BTBD10: variants seen among roughly 807,000 people sequenced by gnomAD.
BTBD10 encodes the protein BTB/POZ domain-containing protein 10.
Under a neutral mutation model 53.2 loss-of-function variants are expected in BTBD10, and 21 were observed. The observed-to-expected ratio is 0.39, with a 90% CI of 0.28 to 0.57. BTBD10 has a LOEUF of 0.57. BTBD10 is among the 20% of genes least tolerant of loss of function. BTBD10 has a pLI of 0.53. For synonymous variants in BTBD10, 149 were observed against 192.7 expected (o/e 0.77, Z 1.88); for missense variants, 360 against 594.7 (o/e 0.61, Z 4.10).
chr11:13,434,003 A>C (rs955600154), intron 2 of BTBD10, among the ~76,000 whole-genome samples: 1 of 152,220 alleles, frequency 6.6e-6, no homozygotes, highest in African/African-American at 2.4e-5. Context: ...TCTCAACTGA[A>C]GAATTAGTTA....
intron 8 of BTBD10, among the ~76,000 whole-genome samples, chr11:13,398,188 T>C (rs1170430821): frequency 1.3e-5 from 2 of 152,188 alleles, no homozygotes; most frequent in Non-Finnish European, 2.9e-5. Flanking sequence ...AGTCTCTTTG[T>C]AGGTCACTCA....
chr11:13,419,823 T>C (rs572323549), intron 3 of BTBD10, 78 bp from the exon 4 acceptor site: 3 of 1,265,344 alleles, frequency 2.4e-6, no homozygotes, highest in Non-Finnish European at 3.2e-6. Flanking sequence ...TTTTAAATGT[T>C]TGATTTATAA....
chr11:13,419,836 G>A (rs764994793), intron 3 of BTBD10, 91 bp from the exon 4 acceptor site: 1 of 1,208,312 alleles, frequency 8.3e-7, no homozygotes, highest in Non-Finnish European at 1.1e-6. Context: ...ATTTATAAAA[G>A]TTGTTTTAAG....
chr11:13,437,747 C>T (rs1411752536), intron 2 of BTBD10, among the ~76,000 whole-genome samples: 1 of 152,164 alleles, frequency 6.6e-6, no homozygotes, highest in Non-Finnish European at 1.5e-5. Context: ...TGTTTTTCTT[C>T]AAGTCAGTCA....
chr11:13,433,900 T>A (rs528047203), intron 2 of BTBD10, among the ~76,000 whole-genome samples: 1 of 152,212 alleles, frequency 6.6e-6, no homozygotes, highest in East Asian at 1.9e-4. Context: ...TTCCTTTTTT[T>A]GGTCAATTAG....
Position 13,419,655 on chromosome 11 carries a change from C to A in BTBD10, c.389G>T (p.Ser130Ile), listed in dbSNP as rs1565247316. ...PNGSISSAGN[S>I]SRNSSQSSSD... ...ACTTGACTGACTACTGTTTCTGCTG[C>A]TGTTCCCAGCACTGCTAATGGAACC... The change falls in exon 4 of 9, where the codon AGC (serine) becomes ATC (isoleucine). Residue 130 changes from serine to isoleucine, a missense_variant. Transcript: ENST00000278174. 1.9e-6 allele frequency: 3 copies of A among 1,614,146 alleles called. No individual in the cohort carries two copies. Among genetic ancestry groups the A allele is most frequent in the Non-Finnish European group, 2.5e-6 (3 of 1,179,996 alleles).
intron 5 of BTBD10, among the ~76,000 whole-genome samples, chr11:13,414,844 GAAAAAAAAAAAA>G (rs71041526): frequency 4.7e-5 from 4 of 85,134 alleles, no homozygotes; most frequent in Non-Finnish European, 8.5e-5. Context: ...CATCTCAAAC[GAAAAAAAAAAAA>G]AAAAAAAAAG....
At chr11:13,434,118 G>A (rs964536213) in intron 2 of BTBD10, among the ~76,000 whole-genome samples, 1 of 152,080 alleles carries the variant, frequency 6.6e-6, no homozygotes, top group African/African-American at 2.4e-5. Flanking sequence ...GACAACTTCA[G>A]CAATAAATAT....
intron 8 of BTBD10, among the ~76,000 whole-genome samples, chr11:13,399,759 T>G (rs1949662449): frequency 6.6e-6 from 1 of 152,198 alleles, no homozygotes; most frequent in South Asian, 2.1e-4. Flanking sequence ...TAGTTTTCCT[T>G]CTAACAGACA....
At chr11:13,460,996 A>G (rs2134071493) in intron 1 of BTBD10, among the ~76,000 whole-genome samples, 1 of 152,352 alleles carries the variant, frequency 6.6e-6, no homozygotes, top group East Asian at 1.9e-4. Context: ...AGTTATTTCC[A>G]CAGTTAAAAC....
intron 1 of BTBD10, among the ~76,000 whole-genome samples, chr11:13,453,982 G>A (rs2134054634): frequency 6.6e-6 from 1 of 152,232 alleles, no homozygotes; most frequent in Non-Finnish European, 1.5e-5. Context: ...AACCTGGGAG[G>A]TGGAGGTTGC....
chr11:13,441,655 GA>G (rs1288406221), intron 2 of BTBD10, among the ~76,000 whole-genome samples: 2 of 151,632 alleles, frequency 1.3e-5, no homozygotes, highest in African/African-American at 2.4e-5. Flanking sequence ...GAAAAGTGGG[GA>G]AAAAAATCAA....
intron 2 of BTBD10, among the ~76,000 whole-genome samples, chr11:13,436,427 A>C (rs1335843875): frequency 6.6e-6 from 1 of 152,180 alleles, no homozygotes; most frequent in Non-Finnish European, 1.5e-5. Flanking sequence ...TAGAAGACAT[A>C]ATCATCTGGG....
chr11:13,393,407 G>A (rs1949457167), intron 8 of BTBD10, among the ~76,000 whole-genome samples: 2 of 152,134 alleles, frequency 1.3e-5, no homozygotes, highest in Non-Finnish European at 2.9e-5. Context: ...AGGGACTTGG[G>A]ATTGGTATGG....
At chr11:13,411,857 G>C (rs1420041675) in intron 6 of BTBD10, among the ~76,000 whole-genome samples, 3 of 149,614 alleles carry the variant, frequency 2.0e-5, no homozygotes, top group Non-Finnish European at 4.4e-5. Context: ...TTGAGATGGA[G>C]TTTCACTCTT....
At position 13,393,418 on chromosome 11, in the gene BTBD10, CA is replaced by C. The variant is rs545834808; in HGVS notation, c.1118-4278del. Among the ~76,000 whole-genome samples, 387 of 152,202 alleles carry C rather than the reference CA, an allele frequency of 2.5e-3. 1 individual carries two copies. Among genetic ancestry groups the C allele is most frequent in the Middle Eastern group, 0.01 (3 of 294 alleles). On this transcript the variant is annotated intron_variant, in intron 8 of 8. Transcript: ENST00000278174. ...TTTAAGGGACTTGGGATTGGTATGG[CA>C]GGGGCATAGAAATGGTGGGGGAGGA...
rs1396314630 is a variant in BTBD10, at chr11:13,445,163, C to T, written c.-39G>A. The T allele has an allele frequency of 1.4e-6, 2 of 1,418,830 alleles. No homozygotes were observed. The highest frequency in any genetic ancestry group is 1.0e-6 in the Non-Finnish European group (1 of 1,003,114). 87.9% of individuals were successfully genotyped at this position (1,418,830 alleles called of 1,614,324 possible). A position where few individuals can be genotyped will look rare whatever the true frequency, so the allele number is the denominator to read the frequency against. On this transcript the variant is annotated 5_prime_UTR_variant, in exon 2 of 9. It adds an upstream start codon to the 5' untranslated region. Transcript: ENST00000278174. ...TCCTCACACTACTGCTCTGAAAGCA[C>T]ACATGTAGCACCCATAACCTACATA...
At chr11:13,425,362 G>A in intron 2 of BTBD10, among the ~76,000 whole-genome samples, 1 of 151,926 alleles carries the variant, frequency 6.6e-6, no homozygotes, top group Non-Finnish European at 1.5e-5. Flanking sequence ...CAAAGCTCAA[G>A]AATATTTATA....
intron 4 of BTBD10, among the ~76,000 whole-genome samples, chr11:13,417,566 A>G (rs1950143876): frequency 6.6e-6 from 1 of 152,174 alleles, no homozygotes. Flanking sequence ...AGGGAAAAAG[A>G]TGAGTTTTTA....
Sources: allele counts gnomAD v4.1 joint callset (sites outside exome capture counted in the v4.1 genomes callset), GRCh38; gene constraint gnomAD v4.1.1; transcripts MANE v1.5; gene names NCBI Gene and HGNC (gene_info 2026-07-23, HGNC 2026-07-21).